The following NRG1 variants were observed in gnomAD, a reference collection of about 807,000 sequenced individuals.
The protein encoded by NRG1 is neuregulin 1.
NRG1 carries 18 observed loss-of-function variants against 63.8 expected under a neutral mutation model. The observed-to-expected ratio is 0.28, with a 90% CI of 0.19 to 0.42. The LOEUF is 0.42. NRG1 is among the 10% of genes least tolerant of loss of function. The probability of loss-of-function intolerance (pLI) is 1.00; values close to 1 mark genes in which losing one functional copy is unlikely to be tolerated. For synonymous variants in NRG1, 302 were observed against 301.3 expected (o/e 1.00, Z -0.02); for missense variants, 762 against 814.7 (o/e 0.94, Z 0.79).
intron 1 of NRG1, among the ~76,000 whole-genome samples, chr8:31,907,345 CTTT>C (rs11314573): frequency 1.2e-4 from 17 of 137,096 alleles, no homozygotes; most frequent in Non-Finnish European, 1.1e-4. Context: ...GCAGATGATC[CTTT>C]TTTTTTTTTT....
chr8:31,683,046 C>T (rs1158929683), intron 1 of NRG1, among the ~76,000 whole-genome samples: 1 of 152,136 alleles, frequency 6.6e-6, no homozygotes, highest in East Asian at 1.9e-4. Flanking sequence ...TTCTTATTAA[C>T]TAACCCGCCC....
At chr8:31,986,619 G>A (rs1396169386) in intron 1 of NRG1, among the ~76,000 whole-genome samples, 1 of 152,066 alleles carries the variant, frequency 6.6e-6, no homozygotes, top group Non-Finnish European at 1.5e-5. Flanking sequence ...TCTCAAATAA[G>A]ATAAACTCTA....
At chr8:31,730,500 T>C (rs1813919473) in intron 1 of NRG1, among the ~76,000 whole-genome samples, 1 of 152,132 alleles carries the variant, frequency 6.6e-6, no homozygotes, top group Non-Finnish European at 1.5e-5. Flanking sequence ...GTTTAAAAAA[T>C]ATGTTTCAAA....
chr8:32,031,128 G>A (rs1263863575), intron 1 of NRG1, among the ~76,000 whole-genome samples: 1 of 152,076 alleles, frequency 6.6e-6, no homozygotes, highest in African/African-American at 2.4e-5. Flanking sequence ...GTCTGTTTGG[G>A]GTTAGGCCAT....
chr8:32,158,448 G>GATATATATATATATATATCTATATATAT (rs1838406289), intron 1 of NRG1, among the ~76,000 whole-genome samples: 3 of 62,196 alleles, frequency 4.8e-5, no homozygotes, highest in Non-Finnish European at 7.8e-5. Flanking sequence ...TGGTTTACAT[G>GATATATATATATATATATCTATATATAT]ATATATATAT....
chr8:32,423,031 A>G (rs1816888878), intron 1 of NRG1, among the ~76,000 whole-genome samples: 1 of 152,208 alleles, frequency 6.6e-6, no homozygotes, highest in South Asian at 2.1e-4. Flanking sequence ...ACAAGTTGTC[A>G]ACTGCACTCC....
chr8:31,943,267 T>C (rs754713241), intron 1 of NRG1, among the ~76,000 whole-genome samples: 1 of 152,152 alleles, frequency 6.6e-6, no homozygotes. Flanking sequence ...ATTATTCTAA[T>C]TGAAGTAACT....
chr8:32,504,519 C>A (rs1180793828), intron 1 of NRG1, among the ~76,000 whole-genome samples: 1 of 152,000 alleles, frequency 6.6e-6, no homozygotes, highest in African/African-American at 2.4e-5. Flanking sequence ...GTAATACCAT[C>A]ATGAAGTGAG....
intron 1 of NRG1, among the ~76,000 whole-genome samples, chr8:32,317,361 T>A (rs1586793375): frequency 6.6e-6 from 1 of 151,140 alleles, no homozygotes; most frequent in Admixed American, 6.6e-5. Context: ...TGTGAATAGA[T>A]GGAGATCTAC....
chr8:32,668,845 G>A (rs540544139), intron 5 of NRG1, among the ~76,000 whole-genome samples: 6 of 152,144 alleles, frequency 3.9e-5, no homozygotes, highest in African/African-American at 9.6e-5. Flanking sequence ...TATTATAATC[G>A]GTATGGGCCT....
At chr8:32,300,504 T>A (rs1855462385) in intron 1 of NRG1, among the ~76,000 whole-genome samples, 1 of 152,194 alleles carries the variant, frequency 6.6e-6, no homozygotes, top group Non-Finnish European at 1.5e-5. Flanking sequence ...GCAGAGTAAG[T>A]CAATAACATG....
intron 1 of NRG1, among the ~76,000 whole-genome samples, chr8:31,736,981 G>A (rs1442770778): frequency 1.3e-5 from 2 of 152,104 alleles, no homozygotes; most frequent in African/African-American, 2.4e-5. Flanking sequence ...CAAATACATG[G>A]TTTTGGTTCT....
At position 32,621,377 on chromosome 8, in the gene NRG1, C is replaced by G. The variant is rs186732470; in HGVS notation, c.502+4492C>G. Among the ~76,000 whole-genome samples the G allele has an allele frequency of 8.5e-3, 1,290 of 152,232 alleles. 3 individuals are homozygous for G. The highest frequency in any genetic ancestry group is 0.027 in the Middle Eastern group (8 of 294). ...TTTTAGGAGAAGAACTTGAACCTTA[C>G]AAAACAGTCAATAGGACTATCTTGC... On this transcript the variant is annotated intron_variant, in intron 5 of 11. Coordinates refer to ENST00000356819, the Ensembl canonical transcript of NRG1.
intron 1 of NRG1, among the ~76,000 whole-genome samples, chr8:32,378,308 T>A (rs1480089797): frequency 6.6e-6 from 1 of 152,198 alleles, no homozygotes; most frequent in Non-Finnish European, 1.5e-5. Flanking sequence ...TGTACAGGAC[T>A]TTTACTCATA....
chr8:32,289,233 T>G (rs17630859), intron 1 of NRG1, among the ~76,000 whole-genome samples: 8,158 of 152,232 alleles, frequency 0.054, 258 homozygotes, highest in South Asian at 0.07. Context: ...CCTGAGGGGA[T>G]GGACTTCCTG....
chr8:32,303,183 C>CAAAAAAAAAAAAAAAAAAAAAA (rs1563291349), intron 1 of NRG1, among the ~76,000 whole-genome samples: 6 of 59,702 alleles, frequency 1.0e-4, no homozygotes, highest in South Asian at 9.5e-4. Context: ...AACTCAGTCT[C>CAAAAAAAAAAAAAAAAAAAAAA]CAAAAAAAAA....
At chr8:32,190,346 T>C (rs1340412766) in intron 1 of NRG1, among the ~76,000 whole-genome samples, 1 of 152,126 alleles carries the variant, frequency 6.6e-6, no homozygotes, top group Non-Finnish European at 1.5e-5. Context: ...CAAATTATCA[T>C]ATTAATTTGA....
At position 31,733,861 on chromosome 8, in the gene NRG1, G is replaced by A. The variant is rs190379829; in HGVS notation, c.37+94430G>A. Among the ~76,000 whole-genome samples the A allele has an allele frequency of 3.3e-5, 5 of 152,290 alleles. No homozygotes were observed. In the East Asian group the frequency reaches 9.7e-4, roughly 29 times the overall value. On this transcript the variant is annotated intron_variant, in intron 1 of 10. Coordinates refer to the NRG1 transcript ENST00000519301. ...TGAGAGGACAGCTCCTTTGAAAGAT[G>A]TAAGTTTTCCATTCCGAAAGATATA... is the stretch of plus-strand genomic sequence containing the variant.
At chr8:32,603,446 G>T (rs1429001653) in intron 2 of NRG1, among the ~76,000 whole-genome samples, 1 of 152,008 alleles carries the variant, frequency 6.6e-6, no homozygotes, top group Non-Finnish European at 1.5e-5. Context: ...ATGTTTACCT[G>T]TTGACATCGA....
Sources: allele counts gnomAD v4.1 joint callset (sites outside exome capture counted in the v4.1 genomes callset), GRCh38; gene constraint gnomAD v4.1.1; transcripts MANE v1.5; gene names NCBI Gene and HGNC (gene_info 2026-07-23, HGNC 2026-07-21).